F11R: variants seen among roughly 807,000 people sequenced by gnomAD.
The protein encoded by F11R is F11 receptor.
In F11R, 27 loss-of-function variants were observed where a neutral mutation model predicts 39.3. The ratio of observed to expected loss-of-function variants is 0.69; its 90% confidence interval spans 0.51 to 0.95. F11R has a LOEUF of 0.95. F11R is among the 40% of genes least tolerant of loss of function. F11R has a pLI of 0.00. For synonymous variants in F11R, 131 were observed against 144.9 expected (o/e 0.90, Z 0.69); for missense variants, 335 against 372.7 (o/e 0.90, Z 0.83).
At chr1:161,000,117 C>T (rs1207816327) in intron 5 of F11R, 29 bp downstream of exon 5, 1 of 1,612,884 alleles carries the variant, frequency 6.2e-7, no homozygotes, top group Admixed American at 1.7e-5. Context: ...GCATCCCCCA[C>T]ACATCTTTCA....
At chr1:161,009,471 A>C (rs1338749302) in intron 1 of F11R, among the ~76,000 whole-genome samples, 1 of 152,166 alleles carries the variant, frequency 6.6e-6, no homozygotes, top group Admixed American at 6.6e-5. Flanking sequence ...AAAAAAAAAA[A>C]AATTAATCAG....
At chr1:161,018,432 T>C (rs1649579696) in intron 1 of F11R, among the ~76,000 whole-genome samples, 1 of 152,218 alleles carries the variant, frequency 6.6e-6, no homozygotes, top group Non-Finnish European at 1.5e-5. Flanking sequence ...ACTCTAGCCA[T>C]TTGGGATCTC....
rs2297219 is a variant in F11R, at chr1:161,001,365, G to C, written c.65-12C>G. On this transcript the variant is annotated splice_polypyrimidine_tract_variant and intron_variant, in intron 1 of 9. Coordinates refer to ENST00000368026, the MANE Select transcript of F11R (RefSeq NM_016946.6). ...CAATGCCAGGGAGCCTAAGGAGAAA[G>C]AAAGAGGTGGGCCCTGTCAGGAGTG... The C allele has an allele frequency of 0.26, 420,411 of 1,605,928 alleles. 58,571 individuals carry two copies. Among genetic ancestry groups the C allele is most frequent in the Non-Finnish European group, 0.28 (329,060 of 1,172,710 alleles).
intron 1 of F11R, among the ~76,000 whole-genome samples, chr1:161,017,423 G>C (rs1162525751): frequency 6.6e-6 from 1 of 152,244 alleles, no homozygotes; most frequent in African/African-American, 2.4e-5. Flanking sequence ...CCGCCTTAAG[G>C]CTGGAGGTGG....
intron 1 of F11R, among the ~76,000 whole-genome samples, chr1:161,018,455 T>C (rs1557896474): frequency 6.6e-6 from 1 of 152,342 alleles, no homozygotes; most frequent in East Asian, 1.9e-4. Flanking sequence ...TGCTTCCTTT[T>C]TTACCTACTC....
chr1:161,019,882 A>G (rs1649659140), intron 1 of F11R, among the ~76,000 whole-genome samples: 8 of 152,144 alleles, frequency 5.3e-5, no homozygotes, highest in African/African-American at 1.9e-4. Flanking sequence ...CTCTGGTCCA[A>G]TCTCTCCCAA....
Position 161,001,277 on chromosome 1 carries a change from C to T in F11R, c.133+8G>A, listed in dbSNP as rs1391107842. The stretch of plus-strand genomic sequence containing the variant: ...CCCTCACACCCTCCATGGCCCCTCC[C>T]AACTCACGATTATTCTCAGGAATTC... On this transcript the variant is annotated splice_region_variant and intron_variant, in intron 2 of 9. Transcript: ENST00000368026. 1 of 1,613,880 alleles carries T rather than the reference C, an allele frequency of 6.2e-7. No individual in the cohort carries two copies. The highest frequency in any genetic ancestry group is 1.1e-5 in the South Asian group (1 of 91,060).
At chr1:161,007,012 T>C (rs1318084854) in intron 1 of F11R, among the ~76,000 whole-genome samples, 1 of 150,812 alleles carries the variant, frequency 6.6e-6, no homozygotes, top group East Asian at 2.0e-4. Context: ...AAAAAATATA[T>C]ATATAAAAAT....
chr1:161,002,378 A>C (rs570744262), intron 1 of F11R, among the ~76,000 whole-genome samples: 3 of 152,088 alleles, frequency 2.0e-5, no homozygotes, highest in Non-Finnish European at 4.4e-5. Flanking sequence ...AGAAAAGAAA[A>C]GATAGTGTGT....
chr1:161,018,036 C>CAGGTCCCCTG (rs1649560489), intron 1 of F11R, among the ~76,000 whole-genome samples: 1 of 152,248 alleles, frequency 6.6e-6, no homozygotes, highest in Non-Finnish European at 1.5e-5. Flanking sequence ...TGTGGTTACA[C>CAGGTCCCCTG]TGTAAGTTGA....
intron 1 of F11R, 67 bp downstream of exon 1, chr1:161,020,943 G>A: frequency 1.6e-5 from 23 of 1,430,284 alleles, no homozygotes; most frequent in Non-Finnish European, 2.3e-5. Context: ...GGCTAGGGGC[G>A]TGGGGAGAGC....
rs1485349227 is a variant in F11R at position 160,995,248 on chromosome 1, T to G, written c.*3623A>C. ...TATTTTTTAATGCAAATTGTTGTTT[T>G]TCTTCATTTGTCTACTTTATTAAGC... is the stretch of plus-strand genomic sequence containing the variant. On this transcript the variant is annotated 3_prime_UTR_variant, in exon 10 of 10. Transcript: ENST00000368026. 1 of 152,300 alleles carries G rather than the reference T, an allele frequency of 6.6e-6. No individual in the cohort carries two copies. Among genetic ancestry groups the G allele is most frequent in the East Asian group, 1.9e-4 (1 of 5,340 alleles). The allele number at this position is 152,300 out of a possible 1,614,324, so 9.4% of individuals were successfully genotyped here. A position where few individuals can be genotyped will look rare whatever the true frequency, so the allele number is the denominator to read the frequency against.
intron 7 of F11R, 104 bp from the exon 8 acceptor site, chr1:160,999,512 T>C: frequency 6.4e-7 from 1 of 1,553,248 alleles, no homozygotes; most frequent in Non-Finnish European, 8.9e-7. Context: ...AGATGGGTGA[T>C]CAGTGTTCCC....
chr1:161,020,497 G>A (rs1649699325), intron 1 of F11R, among the ~76,000 whole-genome samples: 1 of 152,220 alleles, frequency 6.6e-6, no homozygotes, highest in African/African-American at 2.4e-5. Context: ...ATTCAGAAGA[G>A]CCAGAGACTC....
At chr1:161,004,614 C>A (rs951155993) in intron 1 of F11R, among the ~76,000 whole-genome samples, 34 of 151,652 alleles carry the variant, frequency 2.2e-4, no homozygotes, top group African/African-American at 8.0e-4. Context: ...GAGACTGAGG[C>A]AAAAGGACTA....
rs1261260648 is a variant in F11R, at chr1:160,998,941, GTCT to G, written c.865-38_865-36del. On this transcript the variant is annotated intron_variant, in intron 9 of 9. Coordinates refer to ENST00000368026, the MANE Select transcript of F11R (RefSeq NM_016946.6). ...TAAAACATCCAGTCAACTCTCAATA[GTCT>G]TCTTTAGCTGATAATCCCCAAAACA... is the stretch of plus-strand genomic sequence containing the variant. 31 of 1,613,780 alleles carry G rather than the reference GTCT, an allele frequency of 1.9e-5. 1 individual carries two copies. Among genetic ancestry groups the G allele is most frequent in the Non-Finnish European group, 2.6e-5 (31 of 1,179,778 alleles).
rs563222404 is a variant in F11R at position 160,999,741 on chromosome 1, C to T, written c.701G>A (p.Arg234Gln). ...SNAVRMEAVE[R>Q]NVGVIVAAVL... The stretch of plus-strand genomic sequence containing the variant: ...GGCTGCCACGATGACCCCCACATTC[C>T]GCTCCACTGCGAGACACAAATAAGA... Residue 234 changes from arginine (R) to glutamine (Q), a missense_variant, in exon 7 of 10, where the codon CGG (arginine) becomes CAG (glutamine). Arg to Gln is a conservative substitution (Grantham distance 43). Transcript: ENST00000368026. 11 of 1,613,958 alleles carry T rather than the reference C, an allele frequency of 6.8e-6. No homozygotes were observed. The highest frequency in any genetic ancestry group is 5.5e-5 in the South Asian group (5 of 91,080).
In F11R at chr1:160,999,101, A is replaced by C. The variant is rs1168719476; in HGVS notation, c.816-10T>G. Reference sequence around the variant, plus strand: ...CTTCTTACTCGAAGTCCTGTGAACAAGCCAGAAGACAGAGACACTCAGCCA... The same window carrying C: ...CTTCTTACTCGAAGTCCTGTGAACACGCCAGAAGACAGAGACACTCAGCCA... On this transcript the variant is annotated splice_polypyrimidine_tract_variant and intron_variant, in intron 8 of 9. Coordinates refer to ENST00000368026, the MANE Select transcript of F11R (RefSeq NM_016946.6). The C allele has an allele frequency of 1.2e-6, 2 of 1,614,210 alleles. No individual in the cohort carries two copies. The highest frequency in any genetic ancestry group is 1.7e-6 in the Non-Finnish European group (2 of 1,180,030).
chr1:161,005,752 C>G (rs1648765952), intron 1 of F11R, among the ~76,000 whole-genome samples: 1 of 152,126 alleles, frequency 6.6e-6, no homozygotes, highest in South Asian at 2.1e-4. Context: ...TTCCTGAGCT[C>G]AAGCAATTCT....
Sources: allele counts gnomAD v4.1 joint callset (sites outside exome capture counted in the v4.1 genomes callset), GRCh38; gene constraint gnomAD v4.1.1; transcripts MANE v1.5; gene names NCBI Gene and HGNC (gene_info 2026-07-23, HGNC 2026-07-21).